Variants in KCNQ1 observed in about 807,000 individuals in gnomAD.
KCNQ1 encodes potassium voltage-gated channel subfamily KQT member 1.
A neutral mutation model predicts 72.4 loss-of-function variants in KCNQ1; 49 were observed. The observed-to-expected ratio is 0.68, with a 90% confidence interval of 0.54 to 0.86. KCNQ1 has a LOEUF of 0.86. Ranked by LOEUF, KCNQ1 falls within the 40% of genes least tolerant of loss-of-function variation. KCNQ1 has a pLI of 0.00. For missense variants in KCNQ1, 790 were observed against 945.1 expected (o/e 0.84, Z 2.15); for synonymous variants, 450 against 412.6 (o/e 1.09, Z -1.10).
At chr11:2,554,881 G>A (rs1355172167) in intron 2 of KCNQ1, among the ~76,000 whole-genome samples, 1 of 152,170 alleles carries the variant, frequency 6.6e-6, no homozygotes, top group South Asian at 2.1e-4. Context: ...TTCCTGAAAG[G>A]GGGGGAAAAC....
rs529429576 is a variant in KCNQ1, at chr11:2,838,958, G to A, written c.1795-8809G>A. Among the ~76,000 whole-genome samples the A allele has an allele frequency of 7.1e-4, 108 of 152,258 alleles. No homozygotes were observed. In the Middle Eastern group the frequency reaches 0.02, roughly 29 times the overall value. ...CCCAGCCTGCCCGACGTTCCTGCCC[G>A]CCTGGCCCCCAAACAGAGGCCGATG... On this transcript the variant is annotated intron_variant, in intron 15 of 15. Transcript: ENST00000155840.
In KCNQ1 at chr11:2,759,523, G is replaced by A. The variant is rs1478303799; in HGVS notation, c.1515-9321G>A. Among the ~76,000 whole-genome samples, 6 of 152,202 alleles carry A rather than the reference G, an allele frequency of 3.9e-5. No individual in the cohort carries two copies. Among genetic ancestry groups the A allele is most frequent in the Admixed American group, 2.0e-4 (3 of 15,288 alleles). On this transcript the variant is annotated intron_variant, in intron 11 of 15. Coordinates refer to ENST00000155840, the MANE Select transcript of KCNQ1 (RefSeq NM_000218.3). The surrounding 1 kb of genome is among the most constrained non-coding windows in gnomAD (Gnocchi z 4.4). ...AAGACAGCTCTGTGTCTCCTAGGAC[G>A]CACAGGTGTGGGACCTCACTGCGCG... is the stretch of plus-strand genomic sequence containing the variant.
At position 2,677,486 on chromosome 11, in the gene KCNQ1, T is replaced by C. The variant is rs1487573752; in HGVS notation, c.1514+15405T>C. ...AAGCAGTGAAACCATGCCATACTTC[T>C]ACAAAAAATGATCCTCTCTGTGGAA... On this transcript the variant is annotated intron_variant, in intron 11 of 15. Transcript: ENST00000155840. The surrounding 1 kb of genome is among the most constrained non-coding windows in gnomAD (Gnocchi z 4.5). 2 of 398,392 alleles carry C rather than the reference T, an allele frequency of 5.0e-6. No individual in the cohort carries two copies. Among genetic ancestry groups the C allele is most frequent in the Non-Finnish European group, 8.8e-6 (2 of 226,038 alleles). 24.7% of individuals were successfully genotyped at this position (398,392 alleles called of 1,614,324 possible).
Position 2,446,806 on chromosome 11 carries a change from G to A in KCNQ1, c.386+1322G>A, listed in dbSNP as rs1417059652. ...AGTGGGTGCCTGAGCCACAGCCGCT[G>A]CTGGTCTGTGAGAGGAGCTGGCTCT... On this transcript the variant is annotated intron_variant, in intron 1 of 15. Transcript: ENST00000155840. The surrounding 1 kb of genome is among the most constrained non-coding windows in gnomAD (Gnocchi z 8.8). Among the ~76,000 whole-genome samples the A allele has an allele frequency of 2.0e-5, 3 of 152,228 alleles. No homozygotes were observed. Among genetic ancestry groups the A allele is most frequent in the Non-Finnish European group, 4.4e-5 (3 of 68,034 alleles).
At chr11:2,722,901 G>A (rs1047669936) in intron 11 of KCNQ1, among the ~76,000 whole-genome samples, 5 of 152,168 alleles carry the variant, frequency 3.3e-5, no homozygotes, top group South Asian at 4.1e-4. Flanking sequence ...CTGCCTTAGC[G>A]GAGTGGGGGT....
intron 10 of KCNQ1, chr11:2,619,134 T>C (rs1849120131): frequency 5.0e-6 from 2 of 398,526 alleles, no homozygotes; most frequent in Non-Finnish European, 8.8e-6. Context: ...AAGATAATAT[T>C]ACTTCTTACT....
rs1850511583 is a variant in KCNQ1, at chr11:2,687,529, C to T, written c.1514+25448C>T. Reference sequence around the variant, plus strand: ...TTGAGACCAGCCTCCTCTGTATGGTCCCTTCCCTGGTGCACCTACCACAGC... The same window carrying T: ...TTGAGACCAGCCTCCTCTGTATGGTTCCTTCCCTGGTGCACCTACCACAGC... On this transcript the variant is annotated intron_variant, in intron 11 of 15. Transcript: ENST00000155840. This position sits in a 1 kb window ranked among gnomAD's most constrained non-coding sequence, Gnocchi z 5.0. 3.8e-5 allele frequency: 15 copies of T among 398,738 alleles called. No individual in the cohort carries two copies. The East Asian group carries it at 5.3e-4, about 14-fold the overall frequency. 24.7% of individuals were successfully genotyped at this position (398,738 alleles called of 1,614,324 possible). A position where few individuals can be genotyped will look rare whatever the true frequency, so the allele number is the denominator to read the frequency against.
At chr11:2,511,877 C>A (rs1478991714) in intron 1 of KCNQ1, among the ~76,000 whole-genome samples, 1 of 152,194 alleles carries the variant, frequency 6.6e-6, no homozygotes, top group Non-Finnish European at 1.5e-5. Flanking sequence ...GCCTGGCCTG[C>A]AGCCCCCTGT....
chr11:2,637,676 A>C (rs945526718), intron 10 of KCNQ1: 1 of 152,132 alleles, frequency 6.6e-6, no homozygotes, highest in African/African-American at 2.4e-5. Context: ...TTGGGTTGGA[A>C]TGTTCTGTAG....
At position 2,565,760 on chromosome 11, in the gene KCNQ1, G is replaced by A. The variant is rs1388473935; in HGVS notation, c.478-4868G>A. On this transcript the variant is annotated intron_variant, in intron 2 of 15. Coordinates refer to ENST00000155840, the MANE Select transcript of KCNQ1 (RefSeq NM_000218.3). The surrounding 1 kb of genome is among the most constrained non-coding windows in gnomAD (Gnocchi z 5.6). The stretch of plus-strand genomic sequence containing the variant: ...GTGGCATCAGCCAAGGCTCCGAGGC[G>A]TTTCTTCCCACTTCACATGTCTTTT... Among the ~76,000 whole-genome samples, 2 of 152,194 alleles carry A rather than the reference G, an allele frequency of 1.3e-5. No individual in the cohort carries two copies. Among genetic ancestry groups the A allele is most frequent in the Admixed American group, 6.5e-5 (1 of 15,280 alleles).
chr11:2,800,666 C>G (rs915078406), intron 15 of KCNQ1, among the ~76,000 whole-genome samples: 2 of 152,208 alleles, frequency 1.3e-5, no homozygotes, highest in Non-Finnish European at 2.9e-5. Context: ...AGGTCCAACG[C>G]CCAGCTTATC....
At position 2,704,172 on chromosome 11, in the gene KCNQ1, A is replaced by G. The variant is rs1412159927; in HGVS notation, c.1514+42091A>G. Among the ~76,000 whole-genome samples the G allele has an allele frequency of 6.6e-6, 1 of 152,160 alleles. No homozygotes were observed. Among genetic ancestry groups the G allele is most frequent in the Non-Finnish European group, 1.5e-5 (1 of 68,026 alleles). On this transcript the variant is annotated intron_variant, in intron 11 of 15. Coordinates refer to ENST00000155840, the MANE Select transcript of KCNQ1 (RefSeq NM_000218.3). The surrounding 1 kb of genome is among the most constrained non-coding windows in gnomAD (Gnocchi z 4.3). The stretch of plus-strand genomic sequence containing the variant: ...TGGGTAAGGGCTCTGTGATCCTGCA[A>G]CGCCCACCTTCTTCCTTCACTGGTC...
chr11:2,605,391 T>C (rs1392010906), intron 10 of KCNQ1, among the ~76,000 whole-genome samples: 1 of 152,214 alleles, frequency 6.6e-6, no homozygotes, highest in Non-Finnish European at 1.5e-5. Flanking sequence ...AGATTTACCC[T>C]TATGTTTACC....
In KCNQ1 at chr11:2,651,766, G is replaced by C. The variant is rs1256120056; in HGVS notation, c.1394-10195G>C. On this transcript the variant is annotated intron_variant, in intron 10 of 15. Coordinates refer to ENST00000155840, the MANE Select transcript of KCNQ1 (RefSeq NM_000218.3). The surrounding 1 kb of genome is among the most constrained non-coding windows in gnomAD (Gnocchi z 6.1). ...TCTGATTACTGGAAATTCCTCAAGT[G>C]TTGACCATTTTGATTCCTGGGCCCC... 1.0e-5 allele frequency: 4 copies of C among 398,508 alleles called. No individual in the cohort carries two copies. The highest frequency in any genetic ancestry group is 1.8e-5 in the Non-Finnish European group (4 of 226,108). The allele number at this position is 398,508 out of a possible 1,614,324, so 24.7% of individuals were successfully genotyped here. A position where few individuals can be genotyped will look rare whatever the true frequency, so the allele number is the denominator to read the frequency against.
rs931663960 is a variant in KCNQ1, at chr11:2,593,527, C to T, written c.1393+4673C>T. Among the ~76,000 whole-genome samples, 13 of 152,192 alleles carry T rather than the reference C, an allele frequency of 8.5e-5. No homozygotes were observed. Among genetic ancestry groups the T allele is most frequent in the Middle Eastern group, 3.2e-3 (1 of 316 alleles). On this transcript the variant is annotated intron_variant, in intron 10 of 15. Coordinates refer to ENST00000155840, the MANE Select transcript of KCNQ1 (RefSeq NM_000218.3). This position sits in a 1 kb window ranked among gnomAD's most constrained non-coding sequence, Gnocchi z 6.9. ...TCAAAGCTGTGCCTGTGTGTGTCACCACGTGTTTGCCAGGTGACCTGGGAC... is the reference window on the plus strand; with the variant it reads ...TCAAAGCTGTGCCTGTGTGTGTCACTACGTGTTTGCCAGGTGACCTGGGAC...
At chr11:2,584,272 G>A (rs1200248871) in intron 7 of KCNQ1, among the ~76,000 whole-genome samples, 1 of 122 alleles carries the variant, frequency 8.2e-3, no homozygotes, top group African/African-American at 0.029. Flanking sequence ...ACATCTATGT[G>A]CGTATATGTG....
chr11:2,788,553 C>T (rs1190802680), intron 15 of KCNQ1, among the ~76,000 whole-genome samples: 1 of 151,584 alleles, frequency 6.6e-6, no homozygotes, highest in African/African-American at 2.4e-5. Context: ...GCACCACCCC[C>T]CGCCCCCCAC....
Position 2,681,957 on chromosome 11 carries a change from C to T in KCNQ1, c.1514+19876C>T, listed in dbSNP as rs1324631039. The T allele has an allele frequency of 1.3e-5, 5 of 398,500 alleles. No individual in the cohort carries two copies. In the East Asian group the frequency reaches 1.4e-4, roughly 11 times the overall value. The allele number at this position is 398,500 out of a possible 1,614,324, so 24.7% of individuals were successfully genotyped here. ...AATCTTCAAATGATACTACTACTTACACTTCCTGTTTGCCAGGCAAATATA... is the reference window on the plus strand; with the variant it reads ...AATCTTCAAATGATACTACTACTTATACTTCCTGTTTGCCAGGCAAATATA... On this transcript the variant is annotated intron_variant, in intron 11 of 15. Coordinates refer to ENST00000155840, the MANE Select transcript of KCNQ1 (RefSeq NM_000218.3).
chr11:2,672,074 T>C (rs915796646), intron 11 of KCNQ1: 1 of 398,634 alleles, frequency 2.5e-6, no homozygotes, highest in South Asian at 1.3e-4. Context: ...TGGTCCCTGG[T>C]CTGGACTGAG....
Sources: gnomAD v4.1 joint callset for allele counts (sites outside exome capture counted in the v4.1 genomes callset) on GRCh38, gnomAD v4.1.1 for gene constraint, Gnocchi (gnomAD v3.1) non-coding constraint, MANE v1.5 for transcripts, NCBI Gene and HGNC (gene_info 2026-07-23, HGNC 2026-07-21) for gene names.